HDAC9: variants seen among roughly 807,000 people sequenced by gnomAD.
HDAC9 encodes the protein MEF-2 interacting transcription repressor (MITR) protein.
A neutral mutation model predicts 139.4 loss-of-function variants in HDAC9; 41 were observed. The observed-to-expected ratio is 0.29, with a 90% CI of 0.23 to 0.38. The LOEUF is 0.38. Among genes scored for constraint, HDAC9 ranks in the 10% least tolerant of loss-of-function variants. The pLI is 1.00. For synonymous variants in HDAC9, 517 were observed against 476.2 expected (o/e 1.09, Z -1.12); for missense variants, 1,147 against 1,297.0 (o/e 0.88, Z 1.78).
At position 18,885,432 on chromosome 7, in the gene HDAC9, CA is replaced by C. The variant is rs562288612; in HGVS notation, c.2803+10837del. Among the ~76,000 whole-genome samples, 523 of 152,296 alleles carry C rather than the reference CA, an allele frequency of 3.4e-3. 5 individuals carry two copies. The highest frequency in any genetic ancestry group is 0.011 in the African/African-American group (476 of 41,560). The stretch of plus-strand genomic sequence containing the variant: ...TTATGATTAAATGAGATAATATATA[CA>C]TAGTACCTTTGTGTATTTTTTGTAT... On this transcript the variant is annotated intron_variant, in intron 22 of 25. Coordinates refer to ENST00000686413, the MANE Select transcript of HDAC9 (RefSeq NM_178425.4).
At chr7:18,280,407 G>A (rs761647222) in intron 2 of HDAC9, among the ~76,000 whole-genome samples, 13 of 152,092 alleles carry the variant, frequency 8.5e-5, no homozygotes, top group Non-Finnish European at 1.9e-4. Flanking sequence ...GACCAACATG[G>A]TGAAACCCCA....
At position 19,002,108 on chromosome 7, in the gene HDAC9, T is replaced by C. The variant is rs916173832; in HGVS notation, c.*6046T>C. ...TGTCATCCAGAGCTGCTGAGAAAAA[T>C]ACATGTTGCCAAACTTTTCTTAAAA... On this transcript the variant is annotated 3_prime_UTR_variant, in exon 26 of 26. Transcript: ENST00000686413. 2.0e-5 allele frequency: 3 copies of C among 152,098 alleles called. No individual in the cohort carries two copies. Among genetic ancestry groups the C allele is most frequent in the Non-Finnish European group, 4.4e-5 (3 of 67,944 alleles). The allele number at this position is 152,098 out of a possible 1,614,324, so 9.4% of individuals were successfully genotyped here. A position where few individuals can be genotyped will look rare whatever the true frequency, so the allele number is the denominator to read the frequency against.
At chr7:18,745,784 G>A (rs1787901452) in intron 13 of HDAC9, among the ~76,000 whole-genome samples, 1 of 151,078 alleles carries the variant, frequency 6.6e-6, no homozygotes, top group African/African-American at 2.4e-5. Context: ...CTGACCTCAT[G>A]ATCCATCCGC....
intron 2 of HDAC9, among the ~76,000 whole-genome samples, chr7:18,508,969 C>G (rs570673401): frequency 6.6e-6 from 1 of 152,200 alleles, no homozygotes; most frequent in African/African-American, 2.4e-5. Context: ...GTTGGGTTAG[C>G]AACTGGCTAG....
intron 1 of HDAC9, among the ~76,000 whole-genome samples, chr7:18,321,554 A>G (rs989922417): frequency 2.4e-5 from 3 of 124,494 alleles, no homozygotes; most frequent in Non-Finnish European, 3.5e-5. Flanking sequence ...GAATTACAGG[A>G]ATAAGAAAAT....
chr7:18,488,717 C>A (rs1042082082), intron 1 of HDAC9, among the ~76,000 whole-genome samples: 2 of 151,986 alleles, frequency 1.3e-5, no homozygotes, highest in Non-Finnish European at 2.9e-5. Context: ...GTTACAAACA[C>A]ATTTTTATAT....
chr7:18,189,794 G>A (rs1016016187), intron 2 of HDAC9, among the ~76,000 whole-genome samples: 1 of 152,146 alleles, frequency 6.6e-6, no homozygotes, highest in Non-Finnish European at 1.5e-5. Flanking sequence ...AAAACCCAAA[G>A]ACACATTAAT....
At chr7:18,139,482 T>C (rs1377776063) in intron 1 of HDAC9, among the ~76,000 whole-genome samples, 1 of 152,144 alleles carries the variant, frequency 6.6e-6, no homozygotes, top group Non-Finnish European at 1.5e-5. Context: ...TTATGATGCT[T>C]TACTTATAAT....
intron 2 of HDAC9, among the ~76,000 whole-genome samples, chr7:18,274,177 G>A (rs1232784602): frequency 1.3e-5 from 2 of 152,154 alleles, no homozygotes; most frequent in African/African-American, 2.4e-5. Context: ...AAAGTGAATA[G>A]CCATTCTATT....
At chr7:18,351,841 C>T (rs1324682914) in intron 1 of HDAC9, among the ~76,000 whole-genome samples, 2 of 152,166 alleles carry the variant, frequency 1.3e-5, no homozygotes, top group South Asian at 4.1e-4. Context: ...CAGGCACACA[C>T]ACAGGTTATT....
chr7:18,706,246 AT>A (rs76882411), intron 12 of HDAC9, among the ~76,000 whole-genome samples: 17,685 of 146,772 alleles, frequency 0.12, 1,060 homozygotes, highest in East Asian at 0.21. Context: ...CATTTGCGTA[AT>A]TAAGTTTCCA....
At chr7:18,425,380 C>T (rs1304810906) in intron 1 of HDAC9, among the ~76,000 whole-genome samples, 2 of 152,146 alleles carry the variant, frequency 1.3e-5, no homozygotes, top group Non-Finnish European at 2.9e-5. Flanking sequence ...ACTCATGTCA[C>T]CATGAAAGAG....
At chr7:18,935,368 T>C (rs1300218428) in intron 22 of HDAC9, among the ~76,000 whole-genome samples, 1 of 152,228 alleles carries the variant, frequency 6.6e-6, no homozygotes, top group Non-Finnish European at 1.5e-5. Context: ...TTATATTAGA[T>C]AATGTAAATT....
intron 1 of HDAC9, among the ~76,000 whole-genome samples, chr7:18,314,801 A>C (rs1369884446): frequency 1.3e-5 from 2 of 152,254 alleles, no homozygotes; most frequent in Non-Finnish European, 2.9e-5. Context: ...TTTAAGCTAC[A>C]TGATTGTATT....
chr7:18,566,374 T>G (rs925219612), intron 2 of HDAC9, among the ~76,000 whole-genome samples: 1 of 152,242 alleles, frequency 6.6e-6, no homozygotes, highest in African/African-American at 2.4e-5. Flanking sequence ...GCTTGCTTCC[T>G]AGTACCTCTC....
At chr7:18,118,355 G>T (rs985153930) in intron 1 of HDAC9, among the ~76,000 whole-genome samples, 1 of 152,110 alleles carries the variant, frequency 6.6e-6, no homozygotes, top group African/African-American at 2.4e-5. Flanking sequence ...GGTAGAATGG[G>T]GGTGAAGGCC....
Position 18,591,553 on chromosome 7 carries a change from A to G in HDAC9, c.453A>G (p.Gln151=), listed in dbSNP as rs1476753272. The change falls in exon 5 of 26, where the codon CAA becomes CAG. Residue 151 remains glutamine, a synonymous_variant. Coordinates refer to ENST00000686413, the MANE Select transcript of HDAC9 (RefSeq NM_178425.4). ...VASTEVKQKL[Q]EFLLSKSATK... is the part of the protein sequence containing the mutation. ...GTACAGAAGTAAAGCAGAAGCTTCA[A>G]GAGTTCCTACTGAGTAAATCAGCAA... 1.2e-5 allele frequency: 19 copies of G among 1,611,002 alleles called. No homozygotes were observed. In the Admixed American group the frequency reaches 2.4e-4, roughly 20 times the overall value.
chr7:18,699,384 G>A (rs542440546), intron 12 of HDAC9, among the ~76,000 whole-genome samples: 3 of 151,822 alleles, frequency 2.0e-5, no homozygotes, highest in Admixed American at 6.6e-5. Context: ...GTGCGTGTAC[G>A]TGTGTTTGTG....
At chr7:18,830,448 G>C (rs1795778374) in intron 19 of HDAC9, among the ~76,000 whole-genome samples, 1 of 152,094 alleles carries the variant, frequency 6.6e-6, no homozygotes, top group African/African-American at 2.4e-5. Context: ...ATATGCTAAA[G>C]GTTTTTTTTT....
Sources: allele counts gnomAD v4.1 joint callset (sites outside exome capture counted in the v4.1 genomes callset), GRCh38; gene constraint gnomAD v4.1.1; transcripts MANE v1.5; gene names NCBI Gene and HGNC (gene_info 2026-07-23, HGNC 2026-07-21).